The following WRN variants were observed in gnomAD, a reference collection of about 807,000 sequenced individuals.
WRN encodes bifunctional 3'-5' exonuclease/ATP-dependent helicase WRN.
WRN carries 149 observed loss-of-function variants against 180.7 expected under a neutral mutation model. The observed-to-expected ratio is 0.82, with a 90% confidence interval of 0.72 to 0.94. The LOEUF is 0.94. Among genes scored for constraint, WRN ranks in the 40% least tolerant of loss-of-function variants. The pLI is 0.00. For missense variants in WRN, 1,661 were observed against 1,700.1 expected (o/e 0.98, Z 0.40); for synonymous variants, 548 against 568.9 (o/e 0.96, Z 0.52).
intron 16 of WRN, among the ~76,000 whole-genome samples, chr8:31,093,104 A>G (rs73228689): frequency 0.045 from 6,805 of 151,976 alleles, 184 homozygotes; most frequent in South Asian, 0.08. Flanking sequence ...ATGCCTGGCT[A>G]ATTATTAAAT....
intron 17 of WRN, among the ~76,000 whole-genome samples, chr8:31,099,398 G>A (rs1458345357): frequency 1.3e-5 from 2 of 148,558 alleles, no homozygotes; most frequent in Non-Finnish European, 1.5e-5. Flanking sequence ...AAGGAAGGAA[G>A]GAAGGAAGGA....
chr8:31,157,880 A>C (rs577925351), intron 33 of WRN, among the ~76,000 whole-genome samples: 8 of 152,132 alleles, frequency 5.3e-5, no homozygotes, highest in African/African-American at 1.9e-4. Context: ...GGCGTGTGCC[A>C]CCATGCCCAG....
At chr8:31,086,475 G>A (rs1813534609) in intron 11 of WRN, among the ~76,000 whole-genome samples, 1 of 152,066 alleles carries the variant, frequency 6.6e-6, no homozygotes, top group Admixed American at 6.6e-5. Context: ...TTGGGAGGCT[G>A]AGGTGGGAGG....
chr8:31,143,064 C>CACACACACACATACAT (rs1489579629), intron 27 of WRN, among the ~76,000 whole-genome samples: 6 of 132,722 alleles, frequency 4.5e-5, no homozygotes, highest in African/African-American at 1.7e-4. Flanking sequence ...CATTCTCTCT[C>CACACACACACATACAT]TCTCTCTCTC....
At position 31,122,860 on chromosome 8, in the gene WRN, GTTT is replaced by G. The variant is rs71206298; in HGVS notation, c.2631-1639_2631-1637del. Among the ~76,000 whole-genome samples the G allele has an allele frequency of 2.9e-4, 20 of 69,484 alleles. No individual in the cohort carries two copies. The South Asian group carries it at 4.9e-3, about 17-fold the overall frequency. The allele number at this position is 69,484 out of a possible 152,430, so 45.6% of individuals were successfully genotyped here. On this transcript the variant is annotated intron_variant, in intron 21 of 34. Transcript: ENST00000298139. ...GAAGAGTGTGGGCATTTCTTTTCTT[GTTT>G]TTTTTTTTTTTTTTTTTTTTTTCTA...
intron 17 of WRN, among the ~76,000 whole-genome samples, chr8:31,100,240 G>A (rs545280052): frequency 6.6e-6 from 1 of 152,216 alleles, no homozygotes; most frequent in African/African-American, 2.4e-5. Context: ...TCTGGTATGG[G>A]GGCGGAGTAG....
intron 12 of WRN, among the ~76,000 whole-genome samples, chr8:31,088,455 A>G (rs550245698): frequency 2.0e-5 from 3 of 152,176 alleles, no homozygotes; most frequent in Non-Finnish European, 4.4e-5. Flanking sequence ...ATTTTGGTGT[A>G]ACTACATTTA....
intron 23 of WRN, 94 bp from the exon 24 acceptor site, chr8:31,132,271 T>A (rs1802208820): frequency 6.8e-7 from 1 of 1,473,712 alleles, no homozygotes; most frequent in Non-Finnish European, 9.1e-7. Flanking sequence ...ATTTGAGATA[T>A]TTTTTACTTG....
rs10105390 is a variant in WRN at position 31,164,957 on chromosome 8, A to G, written c.3983-2065A>G. Among the ~76,000 whole-genome samples the G allele has an allele frequency of 3.9e-3, 593 of 152,238 alleles. 7 individuals carry two copies. The highest frequency in any genetic ancestry group is 0.014 in the African/African-American group (570 of 41,564). ...CGCAGGATGAATTTACCATAGAAATATAAAGGGTACTTATAGAAATGTATT... is the reference window on the plus strand; with the variant it reads ...CGCAGGATGAATTTACCATAGAAATGTAAAGGGTACTTATAGAAATGTATT... On this transcript the variant is annotated intron_variant, in intron 33 of 34. Transcript: ENST00000298139.
At chr8:31,053,454 C>T (rs1431572138) in intron 1 of WRN, among the ~76,000 whole-genome samples, 1 of 152,298 alleles carries the variant, frequency 6.6e-6, no homozygotes, top group South Asian at 2.1e-4. Flanking sequence ...ACAGTACCTT[C>T]TTTTCACCTT....
intron 1 of WRN, among the ~76,000 whole-genome samples, chr8:31,053,389 A>G (rs540469285): frequency 6.6e-6 from 1 of 152,236 alleles, no homozygotes; most frequent in Non-Finnish European, 1.5e-5. Flanking sequence ...GGAATTTCAC[A>G]TTAAATGATT....
chr8:31,166,901 A>G, intron 33 of WRN, 121 bp from the exon 34 acceptor site: 1 of 985,152 alleles, frequency 1.0e-6, no homozygotes, highest in Admixed American at 2.6e-5. Flanking sequence ...GAAAGAGGAA[A>G]CTTTTCTTTG....
At position 31,060,558 on chromosome 8, in the gene WRN, CA is replaced by C. The variant is rs1330387039; in HGVS notation, c.209+1297del. 2.0e-5 allele frequency among the ~76,000 whole-genome samples: 3 copies of C among 152,112 alleles called. 1 individual carries two copies. On this transcript the variant is annotated intron_variant, in intron 3 of 34. Transcript: ENST00000298139. ...TGTCTCAAACAGACAAACAAACAAACAAAAGGCAGAGGTAGGTTAAGCTATT... is the reference window on the plus strand; with the variant it reads ...TGTCTCAAACAGACAAACAAACAAACAAAGGCAGAGGTAGGTTAAGCTATT...
chr8:31,168,710 G>A (rs1399927323), intron 34 of WRN, among the ~76,000 whole-genome samples: 1 of 152,100 alleles, frequency 6.6e-6, no homozygotes, highest in Non-Finnish European at 1.5e-5. Context: ...GTAGAGTGTT[G>A]GAGGCCTACT....
chr8:31,110,668 A>G (rs964631947), intron 18 of WRN, among the ~76,000 whole-genome samples: 1 of 152,196 alleles, frequency 6.6e-6, no homozygotes, highest in African/African-American at 2.4e-5. Flanking sequence ...GTTGGTTTGT[A>G]TAATAGATGC....
At chr8:31,037,276 A>T (rs73579541) in intron 1 of WRN, among the ~76,000 whole-genome samples, 2,778 of 152,260 alleles carry the variant, frequency 0.018, 64 homozygotes, top group African/African-American at 0.064. Context: ...CTGCTATGAG[A>T]ATCTAATGCC....
chr8:31,164,964 G>A (rs1803794452), intron 33 of WRN, among the ~76,000 whole-genome samples: 1 of 151,870 alleles, frequency 6.6e-6, no homozygotes, highest in Non-Finnish European at 1.5e-5. Context: ...AATATAAAGG[G>A]TACTTATAGA....
intron 12 of WRN, 45 bp from the exon 13 acceptor site, chr8:31,088,845 T>C: frequency 6.7e-7 from 1 of 1,493,790 alleles, no homozygotes; most frequent in Non-Finnish European, 9.2e-7. Context: ...CTCTATGTGG[T>C]GTTTTTCTAC....
At chr8:31,143,347 G>C (rs762964747) in intron 27 of WRN, among the ~76,000 whole-genome samples, 10 of 152,080 alleles carry the variant, frequency 6.6e-5, no homozygotes, top group Non-Finnish European at 4.4e-5. Context: ...AGTTTTGGGA[G>C]AGATAAGACA....
Sources: allele counts gnomAD v4.1 joint callset (sites outside exome capture counted in the v4.1 genomes callset), GRCh38; gene constraint gnomAD v4.1.1; transcripts MANE v1.5; gene names NCBI Gene and HGNC (gene_info 2026-07-23, HGNC 2026-07-21).